Variants in STK39 observed in about 807,000 individuals in gnomAD.
The protein encoded by STK39 is serine/threonine kinase 39.
In STK39, 20 loss-of-function variants were observed where a neutral mutation model predicts 77.8. The ratio of observed to expected loss-of-function variants is 0.26; its 90% confidence interval spans 0.18 to 0.37. The LOEUF is 0.37. STK39 is among the 10% of genes least tolerant of loss of function. STK39 has a pLI of 1.00. For missense variants in STK39, 479 were observed against 656.5 expected (o/e 0.73, Z 2.95); for synonymous variants, 246 against 234.1 (o/e 1.05, Z -0.47).
chr2:168,116,436 C>T (rs993992819), intron 10 of STK39, among the ~76,000 whole-genome samples: 1 of 152,120 alleles, frequency 6.6e-6, no homozygotes, highest in Non-Finnish European at 1.5e-5. Context: ...AAAGTGCAAC[C>T]TTAATCGAGT....
At chr2:168,082,518 A>C (rs769448061) in intron 10 of STK39, among the ~76,000 whole-genome samples, 1 of 152,228 alleles carries the variant, frequency 6.6e-6, no homozygotes, top group Non-Finnish European at 1.5e-5. Context: ...TCTTGTAGAC[A>C]CTGCTGAACT....
chr2:168,199,404 A>G (rs537467381), intron 1 of STK39, among the ~76,000 whole-genome samples: 11 of 152,254 alleles, frequency 7.2e-5, no homozygotes, highest in Non-Finnish European at 1.3e-4. Context: ...CCATCCTGGA[A>G]AACTGGGAAA....
In STK39 at chr2:168,233,826, G is replaced by C. The variant is rs138015412; in HGVS notation, c.208+13402C>G. ...ATATCCAACCAAAAGACTCTAAAAT[G>C]ATCTTTTTTAAGATATGACACATTA... On this transcript the variant is annotated intron_variant, in intron 1 of 17. Transcript: ENST00000355999. 8.1e-3 allele frequency among the ~76,000 whole-genome samples: 1,236 copies of C among 152,196 alleles called. 13 individuals are homozygous for C. The highest frequency in any genetic ancestry group is 0.023 in the African/African-American group (945 of 41,534).
intron 14 of STK39, among the ~76,000 whole-genome samples, chr2:168,030,131 T>G (rs2105337441): frequency 6.6e-6 from 1 of 152,122 alleles, no homozygotes; most frequent in Admixed American, 6.5e-5. Context: ...GTCCAGCTAC[T>G]CGGAAGGCTG....
At chr2:168,221,292 C>T (rs566073563) in intron 1 of STK39, among the ~76,000 whole-genome samples, 1 of 152,258 alleles carries the variant, frequency 6.6e-6, no homozygotes, top group African/African-American at 2.4e-5. Context: ...CATTGATTGT[C>T]TCAGAGTCCA....
At chr2:167,978,038 G>A (rs901942147) in intron 16 of STK39, among the ~76,000 whole-genome samples, 1 of 152,100 alleles carries the variant, frequency 6.6e-6, no homozygotes, top group Non-Finnish European at 1.5e-5. Flanking sequence ...GGGTGGGATC[G>A]CAAAACTCAC....
intron 10 of STK39, among the ~76,000 whole-genome samples, chr2:168,078,285 C>T (rs185111039): frequency 6.6e-6 from 1 of 152,112 alleles, no homozygotes; most frequent in East Asian, 1.9e-4. Flanking sequence ...AGTTCTGATT[C>T]CAAGAAAAGA....
At position 168,185,992 on chromosome 2, in the gene STK39, T is replaced by C. The variant is rs11899129; in HGVS notation, c.209-3902A>G. On this transcript the variant is annotated intron_variant, in intron 1 of 17. Transcript: ENST00000355999. ...CTAAAATGCTGTTGTGGACTGAATG[T>C]CTGTGTTCCCCTAAAATGTCTTTGT... is the stretch of plus-strand genomic sequence containing the variant. 5.2e-3 allele frequency among the ~76,000 whole-genome samples: 786 copies of C among 152,276 alleles called. 5 individuals carry two copies. The highest frequency in any genetic ancestry group is 0.017 in the African/African-American group (723 of 41,558).
chr2:168,156,784 G>A (rs1688439863), intron 5 of STK39, among the ~76,000 whole-genome samples: 1 of 152,174 alleles, frequency 6.6e-6, no homozygotes, highest in Non-Finnish European at 1.5e-5. Context: ...CCCATGCTCT[G>A]GGCCAAGGTG....
chr2:168,188,125 T>C (rs923167326), intron 1 of STK39, among the ~76,000 whole-genome samples: 1 of 152,196 alleles, frequency 6.6e-6, no homozygotes, highest in Non-Finnish European at 1.5e-5. Flanking sequence ...ACAAAACAAA[T>C]GGCTTTGGTT....
At chr2:168,215,517 C>A (rs1364911783) in intron 1 of STK39, among the ~76,000 whole-genome samples, 1 of 152,182 alleles carries the variant, frequency 6.6e-6, no homozygotes, top group African/African-American at 2.4e-5. Context: ...AGCTACCATG[C>A]TAAAAACTCT....
chr2:168,055,939 C>T (rs1167101313), intron 14 of STK39, among the ~76,000 whole-genome samples: 1 of 152,096 alleles, frequency 6.6e-6, no homozygotes, highest in African/African-American at 2.4e-5. Flanking sequence ...AGGAGGATTT[C>T]CTTACCTTGT....
At chr2:168,192,709 A>G (rs1689368483) in intron 1 of STK39, among the ~76,000 whole-genome samples, 1 of 152,246 alleles carries the variant, frequency 6.6e-6, no homozygotes, top group African/African-American at 2.4e-5. Context: ...AAATGAGACT[A>G]TACATGTAAA....
At chr2:168,042,798 T>TTG (rs2105354479) in intron 14 of STK39, among the ~76,000 whole-genome samples, 1 of 152,186 alleles carries the variant, frequency 6.6e-6, no homozygotes, top group East Asian at 1.9e-4. Context: ...CAGGCTGGTC[T>TTG]TGAACTCCTG....
At chr2:168,141,179 T>G (rs1687971376) in intron 5 of STK39, among the ~76,000 whole-genome samples, 1 of 152,202 alleles carries the variant, frequency 6.6e-6, no homozygotes, top group Admixed American at 6.5e-5. Context: ...TTTCTTAACT[T>G]TAACTCATTA....
rs545022835 is a variant in STK39 at position 168,081,014 on chromosome 2, T to G, written c.1090-5783A>C. Among the ~76,000 whole-genome samples, 168 of 152,312 alleles carry G rather than the reference T, an allele frequency of 1.1e-3. 1 individual carries two copies. The highest frequency in any genetic ancestry group is 3.9e-3 in the African/African-American group (162 of 41,578). On this transcript the variant is annotated intron_variant, in intron 10 of 17. Transcript: ENST00000355999. The stretch of plus-strand genomic sequence containing the variant: ...AACACCTGGATATCAAGGCAGCAAT[T>G]TGCTGCAGGGGTGGGGCTCTCATGA...
chr2:168,168,704 C>T (rs968238964), intron 2 of STK39, among the ~76,000 whole-genome samples: 1 of 152,176 alleles, frequency 6.6e-6, no homozygotes, highest in Non-Finnish European at 1.5e-5. Context: ...ATTTAAAGTG[C>T]TTTTGGCTGG....
rs1686053125 is a variant in STK39 at position 168,075,365 on chromosome 2, G to C, written c.1090-134C>G. The stretch of plus-strand genomic sequence containing the variant: ...GTGGCTGTGAATCCAGGGATAGCTA[G>C]CGGTTAAGATCCAAAAAGACTACAC... On this transcript the variant is annotated intron_variant, in intron 10 of 17. Coordinates refer to ENST00000355999, the MANE Select transcript of STK39 (RefSeq NM_013233.3). The C allele has an allele frequency of 4.0e-6, 5 of 1,248,344 alleles. No individual in the cohort carries two copies. The East Asian group carries it at 1.2e-4, about 29-fold the overall frequency. The allele number at this position is 1,248,344 out of a possible 1,614,324, so 77.3% of individuals were successfully genotyped here.
rs182755085 is a variant in STK39 at position 168,084,764 on chromosome 2, A to G, written c.1090-9533T>C. On this transcript the variant is annotated intron_variant, in intron 10 of 17. Coordinates refer to ENST00000355999, the MANE Select transcript of STK39 (RefSeq NM_013233.3). The stretch of plus-strand genomic sequence containing the variant: ...AATATAAACCTGTTTCTCATTCCCA[A>G]TCTCTCCACACATCAAACAATTCTT... Among the ~76,000 whole-genome samples the G allele has an allele frequency of 5.0e-4, 76 of 152,322 alleles. 3 individuals are homozygous for G. The highest frequency in any genetic ancestry group is 3.9e-3 in the Admixed American group (59 of 15,302).
Sources: allele counts gnomAD v4.1 joint callset (sites outside exome capture counted in the v4.1 genomes callset), GRCh38; gene constraint gnomAD v4.1.1; transcripts MANE v1.5; gene names NCBI Gene and HGNC (gene_info 2026-07-23, HGNC 2026-07-21).